Variants in PARP16 observed in about 807,000 individuals in gnomAD.
The protein encoded by PARP16 is protein mono-ADP-ribosyltransferase PARP16.
Under a neutral mutation model 35.0 loss-of-function variants are expected in PARP16, and 31 were observed. The observed-to-expected ratio is 0.88, with a 90% confidence interval of 0.66 to 1.19. The LOEUF (loss-of-function observed/expected upper bound fraction) is 1.19. Among genes scored for constraint, PARP16 ranks in the 50% most tolerant of loss-of-function variants. The probability of loss-of-function intolerance (pLI) is 0.00; values close to 1 mark genes in which losing one functional copy is unlikely to be tolerated. For synonymous variants in PARP16, 162 were observed against 169.5 expected (o/e 0.96, Z 0.34); for missense variants, 424 against 411.2 (o/e 1.03, Z -0.27).
At chr15:65,281,501 A>T (rs1490752992) in intron 1 of PARP16, among the ~76,000 whole-genome samples, 1 of 152,096 alleles carries the variant, frequency 6.6e-6, no homozygotes, top group Non-Finnish European at 1.5e-5. Context: ...ACCAGCCTTG[A>T]CCAACATGGT....
chr15:65,235,247 C>G (rs1279957784), intron 3 of PARP16, among the ~76,000 whole-genome samples: 1 of 151,666 alleles, frequency 6.6e-6, no homozygotes, highest in Non-Finnish European at 1.5e-5. Context: ...GCGGAGCTTG[C>G]AGTGAGCCGA....
chr15:65,240,312 T>TGTGTGTG (rs1567008503), intron 3 of PARP16, among the ~76,000 whole-genome samples: 3 of 102,130 alleles, frequency 2.9e-5, no homozygotes, highest in Non-Finnish European at 6.6e-5. Context: ...GTGTGTGTGG[T>TGTGTGTG]GGGGGGGGCT....
At chr15:65,247,791 G>T (rs2140760023) in intron 3 of PARP16, among the ~76,000 whole-genome samples, 1 of 149,198 alleles carries the variant, frequency 6.7e-6, no homozygotes, top group African/African-American at 2.5e-5. Context: ...TAGACCAATG[G>T]ATTGTTCTTT....
intron 1 of PARP16, among the ~76,000 whole-genome samples, chr15:65,278,173 G>A (rs577125597): frequency 6.6e-6 from 1 of 152,130 alleles, no homozygotes; most frequent in Non-Finnish European, 1.5e-5. Flanking sequence ...ACGGGAGCCC[G>A]GGAAAGAGTT....
At chr15:65,252,099 G>A (rs2089378375) in intron 2 of PARP16, among the ~76,000 whole-genome samples, 1 of 152,186 alleles carries the variant, frequency 6.6e-6, no homozygotes, top group Admixed American at 6.5e-5. Flanking sequence ...CTGAGGCTGG[G>A]AGAAGGCAAC....
chr15:65,260,059 A>G (rs1044131966), intron 5 of PARP16, among the ~76,000 whole-genome samples: 3 of 152,196 alleles, frequency 2.0e-5, no homozygotes, highest in Admixed American at 6.5e-5. Flanking sequence ...AAGTTAGATG[A>G]TTTTAAACCA....
At position 65,262,385 on chromosome 15, in the gene PARP16, G is replaced by C. The variant is rs1405785948; in HGVS notation, c.691+764C>G. On this transcript the variant is annotated intron_variant, in intron 4 of 5. Coordinates refer to ENST00000649807, the MANE Select transcript of PARP16 (RefSeq NM_001316943.2). ...GACCTCAGGTGATCCACCCGACTTG[G>C]CCTCCCAAAGTGCTGGGATTACAGG... Among the ~76,000 whole-genome samples the C allele has an allele frequency of 2.0e-5, 3 of 152,152 alleles. No homozygotes were observed. The East Asian group carries it at 5.8e-4, about 29-fold the overall frequency.
chr15:65,274,830 T>C (rs1379394484), intron 1 of PARP16, among the ~76,000 whole-genome samples: 4 of 151,390 alleles, frequency 2.6e-5, no homozygotes, highest in Admixed American at 2.0e-4. Flanking sequence ...AAAGTATTCA[T>C]TGTCGCCAGG....
intron 4 of PARP16, among the ~76,000 whole-genome samples, chr15:65,262,684 G>C (rs897893649): frequency 3.0e-5 from 4 of 134,442 alleles, no homozygotes; most frequent in African/African-American, 1.1e-4. Flanking sequence ...AGCATCCTTT[G>C]CTTCATTTAG....
chr15:65,284,052 C>T (rs1359184056), intron 1 of PARP16, among the ~76,000 whole-genome samples: 1 of 152,094 alleles, frequency 6.6e-6, no homozygotes, highest in African/African-American at 2.4e-5. Flanking sequence ...AGCCTTTGTC[C>T]CTCAACCTCC....
intron 1 of PARP16, among the ~76,000 whole-genome samples, chr15:65,275,822 C>G (rs1392941773): frequency 6.6e-6 from 1 of 152,206 alleles, no homozygotes; most frequent in South Asian, 2.1e-4. Context: ...CCCCTTCCTT[C>G]TTTTCTATTC....
In PARP16 at chr15:65,275,109, T is replaced by C. The variant is rs1373185318; in HGVS notation, c.175-4037A>G. Among the ~76,000 whole-genome samples the C allele has an allele frequency of 2.0e-5, 3 of 150,940 alleles. 1 individual carries two copies. The highest frequency in any genetic ancestry group is 1.3e-4 in the Admixed American group (2 of 15,160). On this transcript the variant is annotated intron_variant, in intron 1 of 5. Transcript: ENST00000649807. ...CAGCCTGGGTGACACAGCGAGACCC[T>C]GTCTCAAAAAAAAAAAAGCAGCATT...
Position 65,250,107 on chromosome 15 carries a change from C to CTTT in PARP16, c.203-1882_203-1880dup, listed in dbSNP as rs71136331. On this transcript the variant is annotated intron_variant and NMD_transcript_variant, in intron 2 of 3. Transcript: ENST00000559805. ...TAGCTGCAGCCTTGCACCTGCTTGC[C>CTTT]TTTTTTTTTTTTTTTTTTTTTTTTT... Among the ~76,000 whole-genome samples, 145 of 87,134 alleles carry CTTT rather than the reference C, an allele frequency of 1.7e-3. 34 individuals carry two copies. The highest frequency in any genetic ancestry group is 7.3e-3 in the African/African-American group (133 of 18,344). 57.2% of individuals were successfully genotyped at this position (87,134 alleles called of 152,430 possible). A position where few individuals can be genotyped will look rare whatever the true frequency, so the allele number is the denominator to read the frequency against.
chr15:65,249,287 T>C (rs1477629374), intron 2 of PARP16, among the ~76,000 whole-genome samples: 2 of 152,218 alleles, frequency 1.3e-5, no homozygotes, highest in African/African-American at 4.8e-5. Context: ...CTAGCTGGAA[T>C]GGTGTGGGAA....
Position 65,263,200 on chromosome 15 carries a change from C to T in PARP16, c.640G>A (p.Val214Met), listed in dbSNP as rs189341910. Residue 214 changes from valine (V) to methionine (M), a missense_variant, in exon 4 of 6, where the codon GTG becomes ATG. Coordinates refer to ENST00000649807, the MANE Select transcript of PARP16 (RefSeq NM_001316943.2). The stretch of plus-strand genomic sequence containing the variant: ...TCCGGATGGTCAATGACCTCACACA[C>T]GGCCACACAGCTAAGGATGGGGCCG... Reference protein sequence around the residue: ...LLGPILSCVAVCEVIDHPDVK... With the variant: ...LLGPILSCVAMCEVIDHPDVK... 58 of 1,614,162 alleles carry T rather than the reference C, an allele frequency of 3.6e-5. No homozygotes were observed. Among genetic ancestry groups the T allele is most frequent in the East Asian group, 8.9e-5 (4 of 44,876 alleles).
intron 2 of PARP16, among the ~76,000 whole-genome samples, chr15:65,270,634 G>A (rs2090063963): frequency 6.6e-6 from 1 of 152,186 alleles, no homozygotes; most frequent in Admixed American, 6.5e-5. Context: ...CCTGATGGAA[G>A]TATACTATTA....
At chr15:65,236,694 T>G (rs1221223593) in intron 3 of PARP16, among the ~76,000 whole-genome samples, 1 of 152,180 alleles carries the variant, frequency 6.6e-6, no homozygotes, top group Non-Finnish European at 1.5e-5. Flanking sequence ...GGAAGCTGGC[T>G]GGGCACGGTG....
chr15:65,258,059 C>G (rs1371187196), downstream of PARP16: 1 of 152,222 alleles, frequency 6.6e-6, no homozygotes, highest in African/African-American at 2.4e-5. Flanking sequence ...ATAGGGCAGA[C>G]TCACACTAAG....
chr15:65,259,464 T>C lies in PARP16; in HGVS notation c.912A>G (p.Ile304Met), dbSNP rs888467624. 2 of 1,613,850 alleles carry C rather than the reference T, an allele frequency of 1.2e-6. No individual in the cohort carries two copies. The highest frequency in any genetic ancestry group is 1.7e-6 in the Non-Finnish European group (2 of 1,179,774). The change falls in exon 6 of 6, where the codon ATA (isoleucine) becomes ATG (methionine). Residue 304 changes from isoleucine (I) to methionine (M), a missense_variant. Physicochemically the swap from Ile to Met is conservative, Grantham distance 10 (BLOSUM62 1). Transcript: ENST00000649807. The stretch of plus-strand genomic sequence containing the variant: ...AAGCAGAGGAGTTGATGACACTCAC[T>C]ATGAGCAGCAGCAGCAGATACAGGG... ...MISLYLLLLL[I>M]VSVINSSAFQ...
Sources: gnomAD v4.1 joint callset for allele counts (sites outside exome capture counted in the v4.1 genomes callset) on GRCh38, gnomAD v4.1.1 for gene constraint, MANE v1.5 for transcripts, NCBI Gene and HGNC (gene_info 2026-07-23, HGNC 2026-07-21) for gene names.